TBC1D32: variants seen among roughly 807,000 people sequenced by gnomAD.
The protein encoded by TBC1D32 is TBC1 domain family member 32.
Under a neutral mutation model 170.3 loss-of-function variants are expected in TBC1D32, and 151 were observed. That is an observed-to-expected ratio of 0.89 (90% CI 0.78 to 1.01). The LOEUF is 1.01. TBC1D32 is among the 50% of genes least tolerant of loss of function. TBC1D32 has a pLI of 0.00. For synonymous variants in TBC1D32, 498 were observed against 488.0 expected, an observed-to-expected ratio of 1.02 and a Z score of -0.27; for missense variants, 1,464 against 1,457.1, an observed-to-expected ratio of 1.00 and a Z score of -0.08.
chr6:121,190,889 C>G (rs1789912980), intron 22 of TBC1D32, among the ~76,000 whole-genome samples: 1 of 151,812 alleles, frequency 6.6e-6, no homozygotes, highest in African/African-American at 2.4e-5. Context: ...GTCATAAGCC[C>G]CTTCTCTTTA....
chr6:121,170,269 C>T (rs1355412814), intron 22 of TBC1D32: 1 of 911,226 alleles, frequency 1.1e-6, no homozygotes, highest in Non-Finnish European at 1.6e-6. Context: ...ACTTTAGCTG[C>T]TTTGTATTCT....
chr6:121,210,708 C>T (rs1285545143), intron 21 of TBC1D32, among the ~76,000 whole-genome samples: 4 of 152,166 alleles, frequency 2.6e-5, no homozygotes, highest in Admixed American at 2.0e-4. Context: ...ATCAAACAAG[C>T]AATTTAAAAG....
intron 17 of TBC1D32, among the ~76,000 whole-genome samples, chr6:121,243,704 C>A (rs570529953): frequency 2.3e-4 from 35 of 150,264 alleles, no homozygotes; most frequent in African/African-American, 3.2e-4. Flanking sequence ...TTCAACCAAC[C>A]TAAAAACATA....
intron 10 of TBC1D32, among the ~76,000 whole-genome samples, chr6:121,297,208 G>A (rs906661675): frequency 6.6e-6 from 1 of 152,044 alleles, no homozygotes; most frequent in South Asian, 2.1e-4. Context: ...CAAGTTGAGA[G>A]TATAATGAAT....
chr6:121,205,027 T>G (rs1231857454), intron 22 of TBC1D32, 48 bp downstream of exon 22: 3 of 1,137,550 alleles, frequency 2.6e-6, no homozygotes, highest in Non-Finnish European at 3.8e-6. Context: ...ATGCTTATTT[T>G]TTGTGGAACA....
intron 22 of TBC1D32, among the ~76,000 whole-genome samples, chr6:121,195,505 C>T (rs569226091): frequency 5.1e-4 from 77 of 152,236 alleles, no homozygotes; most frequent in Non-Finnish European, 7.6e-4. Context: ...TTCTTTTTGA[C>T]CCATTAGCCA....
At chr6:121,137,887 C>T (rs1297186951) in intron 24 of TBC1D32, among the ~76,000 whole-genome samples, 1 of 151,762 alleles carries the variant, frequency 6.6e-6, no homozygotes, top group Non-Finnish European at 1.5e-5. Flanking sequence ...ATTTTGAGTG[C>T]CCATTTTTGA....
intron 15 of TBC1D32, among the ~76,000 whole-genome samples, chr6:121,273,301 T>C (rs1270958937): frequency 6.6e-6 from 1 of 151,110 alleles, no homozygotes; most frequent in Non-Finnish European, 1.5e-5. Context: ...CATGGAATAC[T>C]ATGCAGCCAT....
intron 26 of TBC1D32, 33 bp downstream of exon 26, chr6:121,126,345 T>A: frequency 6.7e-7 from 1 of 1,493,910 alleles, no homozygotes. Context: ...ACATACTGAG[T>A]CTTTTTCAAA....
intron 31 of TBC1D32, among the ~76,000 whole-genome samples, chr6:121,082,550 G>T (rs973290303): frequency 1.3e-5 from 2 of 151,850 alleles, no homozygotes; most frequent in Non-Finnish European, 2.9e-5. Flanking sequence ...CAGAAGAACT[G>T]TTTCAGGACA....
intron 10 of TBC1D32, among the ~76,000 whole-genome samples, chr6:121,298,459 G>T (rs1805978551): frequency 6.6e-6 from 1 of 151,960 alleles, no homozygotes; most frequent in Admixed American, 6.6e-5. Context: ...AAACCATGGG[G>T]AAAATCATCC....
At chr6:121,095,478 G>C (rs1176810289) in intron 30 of TBC1D32, among the ~76,000 whole-genome samples, 1 of 152,102 alleles carries the variant, frequency 6.6e-6, no homozygotes, top group Non-Finnish European at 1.5e-5. Flanking sequence ...TGTTGAATAG[G>C]AGTGGTGAGA....
chr6:121,327,177 T>C (rs554012164), intron 1 of TBC1D32, among the ~76,000 whole-genome samples: 1 of 152,210 alleles, frequency 6.6e-6, no homozygotes, highest in South Asian at 2.1e-4. Context: ...CAAAATACTA[T>C]GTTCACTATT....
Position 121,303,759 on chromosome 6 carries a change from T to C in TBC1D32, c.938A>G (p.Tyr313Cys), listed in dbSNP as rs1806848077. 1 of 1,520,794 alleles carries C rather than the reference T, an allele frequency of 6.6e-7. No individual in the cohort carries two copies. Among genetic ancestry groups the C allele is most frequent in the Non-Finnish European group, 8.9e-7 (1 of 1,122,144 alleles). The allele number at this position is 1,520,794 out of a possible 1,614,324, so 94.2% of individuals were successfully genotyped here. A position where few individuals can be genotyped will look rare whatever the true frequency, so the allele number is the denominator to read the frequency against. Residue 313 changes from tyrosine (Y) to cysteine (C), a missense_variant and splice_region_variant, in exon 9 of 32, where the codon TAT (tyrosine) becomes TGT (cysteine). By Grantham distance (194) the Tyr-to-Cys change is radical. Coordinates refer to ENST00000398212, the MANE Select transcript of TBC1D32 (RefSeq NM_152730.6). ...PSFWIRHPEK[Y>C]MEEIVESTLS... ...AGTACTCTCCACAATTTCTTCCATA[T>C]ACCTTAAAGTTTGGGAAAAAAGAAA...
chr6:121,202,366 A>G (rs9372646), intron 22 of TBC1D32, among the ~76,000 whole-genome samples: 97,766 of 140,494 alleles, frequency 0.7, 38,347 homozygotes, highest in South Asian at 0.86. Context: ...TTCACACAGG[A>G]AAAAAAAAAA....
At chr6:121,129,995 C>A (rs993596350) in intron 25 of TBC1D32, 6 of 403,264 alleles carry the variant, frequency 1.5e-5, no homozygotes, top group Admixed American at 3.4e-5. Context: ...TAAATATAAC[C>A]AAAGGTAAAT....
intron 29 of TBC1D32, among the ~76,000 whole-genome samples, chr6:121,109,005 GA>G (rs921401884): frequency 1.4e-4 from 21 of 151,900 alleles, no homozygotes; most frequent in African/African-American, 5.1e-4. Context: ...TCTCCTCTCA[GA>G]AAAAAATGGG....
At chr6:121,303,545 C>T (rs748314852) in intron 9 of TBC1D32, 72 bp downstream of exon 9, 19 of 1,205,826 alleles carry the variant, frequency 1.6e-5, no homozygotes, top group East Asian at 2.7e-5. Flanking sequence ...ACACAGTATT[C>T]AAACATTAAC....
intron 3 of TBC1D32, among the ~76,000 whole-genome samples, chr6:121,311,625 G>C (rs1808218913): frequency 6.6e-6 from 1 of 151,926 alleles, no homozygotes; most frequent in African/African-American, 2.4e-5. Context: ...CTACTCGGGA[G>C]GCCGAGGCAG....
Sources: allele counts gnomAD v4.1 joint callset (sites outside exome capture counted in the v4.1 genomes callset), GRCh38; gene constraint gnomAD v4.1.1; transcripts MANE v1.5; gene names NCBI Gene and HGNC (gene_info 2026-07-23, HGNC 2026-07-21).